LPP: variants seen among roughly 807,000 people sequenced by gnomAD.
The protein encoded by LPP is lipoma-preferred partner.
Under a neutral mutation model 60.4 loss-of-function variants are expected in LPP, and 38 were observed. The observed-to-expected ratio is 0.63, with a 90% CI of 0.49 to 0.83. The LOEUF is 0.83. LPP is among the 40% of genes least tolerant of loss of function. The pLI is 0.00. For missense variants in LPP, 902 were observed against 783.6 expected, an observed-to-expected ratio of 1.15 and a Z score of -1.80; for synonymous variants, 328 against 290.8, an observed-to-expected ratio of 1.13 and a Z score of -1.30.
At position 188,542,236 on chromosome 3, in the gene LPP, A is replaced by G. The variant is rs76117759; in HGVS notation, c.429+17449A>G. Among the ~76,000 whole-genome samples the G allele has an allele frequency of 7.2e-4, 110 of 152,328 alleles. No homozygotes were observed. In the East Asian group the frequency reaches 0.019, roughly 27 times the overall value. ...TTAATACCTCCTCTGCTTATCATAT[A>G]TGATATTGTGAGAAGTAAATGACAC... On this transcript the variant is annotated intron_variant, in intron 6 of 11. Coordinates refer to ENST00000617246, the MANE Select transcript of LPP (RefSeq NM_001375462.1).
At chr3:188,776,070 G>A (rs1737662780) in intron 9 of LPP, among the ~76,000 whole-genome samples, 1 of 152,244 alleles carries the variant, frequency 6.6e-6, no homozygotes, top group South Asian at 2.1e-4. Flanking sequence ...ATACAGCGCA[G>A]TGTGAGACTT....
At chr3:188,231,413 T>C (rs529479195) in intron 2 of LPP, among the ~76,000 whole-genome samples, 1 of 152,318 alleles carries the variant, frequency 6.6e-6, no homozygotes, top group Non-Finnish European at 1.5e-5. Flanking sequence ...CATTTAAAAC[T>C]CTTAAGAGAA....
intron 9 of LPP, among the ~76,000 whole-genome samples, chr3:188,858,239 C>A (rs1274479497): frequency 6.6e-6 from 1 of 152,160 alleles, no homozygotes; most frequent in African/African-American, 2.4e-5. Context: ...GAACTCAATT[C>A]TTTTCTTTCT....
chr3:188,498,056 TACC>T (rs1420874447), intron 5 of LPP, among the ~76,000 whole-genome samples: 4 of 152,214 alleles, frequency 2.6e-5, no homozygotes, highest in Admixed American at 1.3e-4. Context: ...TGCATGGGTT[TACC>T]ACCTCTGATT....
At chr3:188,594,962 A>G (rs1828952) in intron 6 of LPP, among the ~76,000 whole-genome samples, 10,427 of 152,182 alleles carry the variant, frequency 0.069, 780 homozygotes, top group East Asian at 0.35. Flanking sequence ...ACATTATAGC[A>G]TAACAGGATT....
intron 7 of LPP, among the ~76,000 whole-genome samples, chr3:188,649,799 G>C (rs1284843175): frequency 1.3e-5 from 2 of 152,082 alleles, no homozygotes; most frequent in East Asian, 3.9e-4. Context: ...TTAAGAAATG[G>C]AGACAAAGCA....
Position 188,372,706 on chromosome 3 carries a change from TA to T in LPP, c.-10+30990del, listed in dbSNP as rs567146125. ...TTGGCTTCTTTTTGTTTTTTTTTTT[TA>T]AATTTTATTATTATTATACTTTAAG... is the stretch of plus-strand genomic sequence containing the variant. On this transcript the variant is annotated intron_variant, in intron 3 of 11. Transcript: ENST00000617246. 1.7e-3 allele frequency among the ~76,000 whole-genome samples: 256 copies of T among 151,454 alleles called. 2 individuals carry two copies. Among genetic ancestry groups the T allele is most frequent in the African/African-American group, 6.0e-3 (248 of 41,308 alleles).
chr3:188,793,309 G>A (rs1029114816), intron 9 of LPP, among the ~76,000 whole-genome samples: 4 of 151,532 alleles, frequency 2.6e-5, no homozygotes. Context: ...AGCCTCATTA[G>A]TAGCTGGGAT....
intron 6 of LPP, among the ~76,000 whole-genome samples, chr3:188,606,280 C>A (rs1842358315): frequency 6.6e-6 from 1 of 152,224 alleles, no homozygotes; most frequent in African/African-American, 2.4e-5. Context: ...TAAATCAGAT[C>A]CTTGAGAAGA....
chr3:188,521,791 G>A (rs1489738932), intron 5 of LPP, among the ~76,000 whole-genome samples: 2 of 152,054 alleles, frequency 1.3e-5, no homozygotes, highest in East Asian at 1.9e-4. Context: ...CTATGGCCCA[G>A]GGAAAGATTT....
At chr3:188,772,984 A>T (rs1736570473) in intron 9 of LPP, among the ~76,000 whole-genome samples, 1 of 152,154 alleles carries the variant, frequency 6.6e-6, no homozygotes, top group Non-Finnish European at 1.5e-5. Flanking sequence ...GCTGAAATGT[A>T]AATATCAAAG....
At chr3:188,404,035 A>G (rs1782846372) in intron 3 of LPP, among the ~76,000 whole-genome samples, 1 of 152,204 alleles carries the variant, frequency 6.6e-6, no homozygotes. Flanking sequence ...AGTCTTTGTC[A>G]TTGATTCATG....
At chr3:188,482,642 ATG>A (rs1351358078) in intron 4 of LPP, among the ~76,000 whole-genome samples, 1 of 152,066 alleles carries the variant, frequency 6.6e-6, no homozygotes, top group African/African-American at 2.4e-5. Flanking sequence ...GCATTTTCGA[ATG>A]TGTTTCTTTG....
At chr3:188,190,247 C>T (rs1043383291) in intron 1 of LPP, among the ~76,000 whole-genome samples, 34 of 151,852 alleles carry the variant, frequency 2.2e-4, no homozygotes, top group African/African-American at 6.5e-4. Context: ...TTAGTAGAGA[C>T]GGGGTTTCAC....
At chr3:188,815,799 T>C (rs1226979794) in intron 9 of LPP, among the ~76,000 whole-genome samples, 1 of 152,186 alleles carries the variant, frequency 6.6e-6, no homozygotes, top group Non-Finnish European at 1.5e-5. Flanking sequence ...ACTGGCTGTT[T>C]CTTTGGCAAC....
chr3:188,604,941 A>C (rs191350387), intron 6 of LPP, among the ~76,000 whole-genome samples: 18 of 152,276 alleles, frequency 1.2e-4, no homozygotes, highest in Non-Finnish European at 2.4e-4. Flanking sequence ...CCTAGGAATC[A>C]GCTAGATAAT....
At chr3:188,534,336 G>T (rs1822993693) in intron 6 of LPP, among the ~76,000 whole-genome samples, 1 of 152,164 alleles carries the variant, frequency 6.6e-6, no homozygotes, top group Non-Finnish European at 1.5e-5. Flanking sequence ...TCCAACATTG[G>T]TTTGAAAAGA....
chr3:188,379,922 T>C (rs1315457759), intron 3 of LPP, among the ~76,000 whole-genome samples: 1 of 152,214 alleles, frequency 6.6e-6, no homozygotes, highest in Non-Finnish European at 1.5e-5. Flanking sequence ...TAGGGAATGT[T>C]ACAGGAATTG....
chr3:188,261,798 T>C (rs1005582712), intron 2 of LPP, among the ~76,000 whole-genome samples: 10 of 152,072 alleles, frequency 6.6e-5, no homozygotes, highest in African/African-American at 2.2e-4. Context: ...TCTGTAGTCC[T>C]ACCCACTCAG....
Sources: gnomAD v4.1 joint callset for allele counts (sites outside exome capture counted in the v4.1 genomes callset) on GRCh38, gnomAD v4.1.1 for gene constraint, MANE v1.5 for transcripts, NCBI Gene and HGNC (gene_info 2026-07-23, HGNC 2026-07-21) for gene names.